The following GFOD1 variants were observed in gnomAD, a reference collection of about 807,000 sequenced individuals.
GFOD1 encodes the protein Gfo/Idh/MocA-like oxidoreductase domain containing 1, also known as glucose-fructose oxidoreductase domain-containing protein 1.
In GFOD1, 9 loss-of-function variants were observed where a neutral mutation model predicts 25.4. The observed-to-expected ratio is 0.35, with a 90% confidence interval of 0.21 to 0.62. The LOEUF (loss-of-function observed/expected upper bound fraction) is 0.62, where lower values mean the gene tolerates loss of function less well. Ranked by LOEUF, GFOD1 falls within the 20% of genes least tolerant of loss-of-function variation. The probability of loss-of-function intolerance (pLI) is 0.72; values close to 1 mark genes in which losing one functional copy is unlikely to be tolerated. For synonymous variants in GFOD1, 253 were observed against 245.6 expected (o/e 1.03, Z -0.28); for missense variants, 403 against 556.9 (o/e 0.72, Z 2.78).
At chr6:13,447,404 T>A (rs531699000) in intron 1 of GFOD1, among the ~76,000 whole-genome samples, 37 of 152,168 alleles carry the variant, frequency 2.4e-4, no homozygotes, top group Admixed American at 1.1e-3. Context: ...CCCATCCTAG[T>A]GAACTCATTT....
chr6:13,381,914 C>T lies in GFOD1; in HGVS notation c.254-16252G>A, dbSNP rs200839015. On this transcript the variant is annotated intron_variant, in intron 1 of 1. Coordinates refer to ENST00000379287, the MANE Select transcript of GFOD1 (RefSeq NM_018988.4). ...GAGAAATAAAACACACACGCGCGCGCGCACACACACACACACACACACACA... is the reference window on the plus strand; with the variant it reads ...GAGAAATAAAACACACACGCGCGCGTGCACACACACACACACACACACACA... 1.7e-3 allele frequency among the ~76,000 whole-genome samples: 140 copies of T among 82,214 alleles called. 1 individual carries two copies. In the East Asian group the frequency reaches 0.022, roughly 13 times the overall value. The allele number at this position is 82,214 out of a possible 152,430, so 53.9% of individuals were successfully genotyped here.
chr6:13,432,238 T>C (rs978913059), intron 1 of GFOD1, among the ~76,000 whole-genome samples: 8 of 151,908 alleles, frequency 5.3e-5, no homozygotes, highest in East Asian at 1.9e-4. Context: ...CTTTTTTTTT[T>C]TTTTTGAGAT....
intron 1 of GFOD1, among the ~76,000 whole-genome samples, chr6:13,411,118 T>C (rs928112347): frequency 1.3e-5 from 2 of 152,018 alleles, no homozygotes; most frequent in East Asian, 1.9e-4. Flanking sequence ...TCAGCAGGAA[T>C]GGTGAAAAAC....
intron 1 of GFOD1, among the ~76,000 whole-genome samples, chr6:13,388,677 C>A (rs547406658): frequency 4.6e-5 from 7 of 152,280 alleles, no homozygotes; most frequent in African/African-American, 9.6e-5. Flanking sequence ...AAAACCTAGG[C>A]AATACCATTC....
intron 1 of GFOD1, among the ~76,000 whole-genome samples, chr6:13,366,552 T>C (rs892235386): frequency 6.6e-6 from 1 of 152,170 alleles, no homozygotes; most frequent in Non-Finnish European, 1.5e-5. Flanking sequence ...GCCAGGCTAG[T>C]CTGGAACTCC....
intron 1 of GFOD1, among the ~76,000 whole-genome samples, chr6:13,485,433 T>C (rs1758843317): frequency 6.6e-6 from 1 of 152,248 alleles, no homozygotes; most frequent in African/African-American, 2.4e-5. Flanking sequence ...TCTGTTCTAC[T>C]ATTCGCTTCA....
chr6:13,446,100 C>A (rs1380900708), intron 1 of GFOD1, among the ~76,000 whole-genome samples: 2 of 152,202 alleles, frequency 1.3e-5, no homozygotes, highest in Admixed American at 1.3e-4. Flanking sequence ...GGAGTCTGAA[C>A]CAATTGTTCT....
chr6:13,365,380 T>A lies in GFOD1; in HGVS notation c.536A>T (p.Tyr179Phe). The change falls in exon 2 of 2, where the codon TAC becomes TTC. Residue 179 changes from tyrosine (Y) to phenylalanine (F), a missense_variant. Tyr to Phe is a conservative substitution (Grantham distance 22). Transcript: ENST00000379287. This position sits in a 1 kb window ranked among gnomAD's most constrained non-coding sequence, Gnocchi z 9.2. ...GAGGAAGGTGAGCAGGTCGATGATG[T>A]AGGTGCCCACGGAGTGCAGGCCGCC... ...GGGGLHSVGT[Y>F]IIDLLTFLTG... The A allele has an allele frequency of 6.2e-7, 1 of 1,614,086 alleles. No homozygotes were observed. Among genetic ancestry groups the A allele is most frequent in the Non-Finnish European group, 8.5e-7 (1 of 1,179,968 alleles).
At chr6:13,400,182 C>A (rs1454206895) in intron 1 of GFOD1, among the ~76,000 whole-genome samples, 1 of 152,114 alleles carries the variant, frequency 6.6e-6, no homozygotes, top group Non-Finnish European at 1.5e-5. Flanking sequence ...CATGCAGGAC[C>A]GGGCAGGGAT....
At chr6:13,378,919 A>C (rs1785306841) in intron 1 of GFOD1, among the ~76,000 whole-genome samples, 1 of 150,198 alleles carries the variant, frequency 6.7e-6, no homozygotes, top group South Asian at 2.2e-4. Context: ...AGCCAGAAGC[A>C]GAGGGAAACA....
intron 1 of GFOD1, among the ~76,000 whole-genome samples, chr6:13,382,692 T>C (rs1031909958): frequency 5.9e-5 from 9 of 152,230 alleles, no homozygotes; most frequent in Non-Finnish European, 2.9e-5. Flanking sequence ...CCAGGGTACA[T>C]GTGCAGAATG....
chr6:13,480,488 C>G (rs1400803715), intron 1 of GFOD1, among the ~76,000 whole-genome samples: 2 of 152,168 alleles, frequency 1.3e-5, no homozygotes, highest in East Asian at 1.9e-4. Flanking sequence ...GATAGAAATT[C>G]TGAATCTCAG....
chr6:13,366,037 A>G (rs1246135504), intron 1 of GFOD1, among the ~76,000 whole-genome samples: 2 of 151,496 alleles, frequency 1.3e-5, no homozygotes, highest in East Asian at 3.9e-4. Flanking sequence ...TGGCCGCTGC[A>G]GTGAGCTATG....
chr6:13,452,230 G>T (rs530915149), intron 1 of GFOD1, among the ~76,000 whole-genome samples: 7 of 152,248 alleles, frequency 4.6e-5, no homozygotes, highest in Admixed American at 3.3e-4. Flanking sequence ...ATGCTGTAGT[G>T]GGTCAACTGG....
At chr6:13,420,981 G>A (rs1343880536) in intron 1 of GFOD1, among the ~76,000 whole-genome samples, 2 of 152,186 alleles carry the variant, frequency 1.3e-5, no homozygotes, top group Non-Finnish European at 2.9e-5. Context: ...TGGCGAGGGG[G>A]AGCCACGAAC....
At chr6:13,474,045 C>G (rs6458849) in intron 1 of GFOD1, among the ~76,000 whole-genome samples, 15,104 of 152,288 alleles carry the variant, frequency 0.099, 895 homozygotes, top group East Asian at 0.16. Flanking sequence ...GCAAGTGTCT[C>G]ATTCAAACAC....
At chr6:13,396,697 G>C (rs1785739659) in intron 1 of GFOD1, among the ~76,000 whole-genome samples, 1 of 152,148 alleles carries the variant, frequency 6.6e-6, no homozygotes, top group Admixed American at 6.5e-5. Flanking sequence ...TAGGAGCTGT[G>C]TCCTGGAAGC....
intron 1 of GFOD1, among the ~76,000 whole-genome samples, chr6:13,467,104 T>A (rs1758391727): frequency 6.6e-6 from 1 of 150,960 alleles, no homozygotes. Context: ...TTTGTGTAAC[T>A]GATTTCAAAA....
intron 1 of GFOD1, among the ~76,000 whole-genome samples, chr6:13,458,198 A>G (rs1584663818): frequency 6.6e-6 from 1 of 151,860 alleles, no homozygotes; most frequent in Non-Finnish European, 1.5e-5. Flanking sequence ...GCTAACTGCA[A>G]CCTCTGCCTC....
Sources: allele counts gnomAD v4.1 joint callset (sites outside exome capture counted in the v4.1 genomes callset), GRCh38; gene constraint gnomAD v4.1.1; non-coding constraint Gnocchi (gnomAD v3.1); transcripts MANE v1.5; gene names NCBI Gene and HGNC (gene_info 2026-07-23, HGNC 2026-07-21).